Variants in TLN1 observed in about 807,000 individuals in gnomAD.
TLN1 encodes the protein talin 1, also known as talin-1.
A neutral mutation model predicts 292.3 loss-of-function variants in TLN1; 56 were observed. The observed-to-expected ratio is 0.19, with a 90% CI of 0.15 to 0.24. The LOEUF (loss-of-function observed/expected upper bound fraction) is 0.24, where lower values mean the gene tolerates loss of function less well. Ranked by LOEUF, TLN1 falls within the 10% of genes least tolerant of loss-of-function variation. The pLI, the probability that TLN1 is intolerant of heterozygous loss-of-function variation, is 1.00. For missense variants in TLN1, 2,433 were observed against 3,248.2 expected, an observed-to-expected ratio of 0.75 and a Z score of 6.10; for synonymous variants, 1,119 against 1,253.7, an observed-to-expected ratio of 0.89 and a Z score of 2.27.
rs1254841193 is a variant in TLN1, at chr9:35,697,438, C to G, written c.*353G>C. ...GGTGGGGGAAGATAGTATCAAAAAA[C>G]GGTGAAGAGAGCTGATGAGGCTGTG... On this transcript the variant is annotated 3_prime_UTR_variant, in exon 57 of 57. Transcript: ENST00000314888. The G allele has an allele frequency of 3.8e-6, 1 of 265,566 alleles. No homozygotes were observed. 16.5% of individuals were successfully genotyped at this position (265,566 alleles called of 1,614,324 possible).
In TLN1 at chr9:35,717,820, T is replaced by C; in HGVS notation, c.1996-34A>G. Reference sequence around the variant, plus strand: ...AAACAGCAGTTAGCATGACCTGAGATTGGGCTTGGGATTCACAGACACTTC... The same window carrying C: ...AAACAGCAGTTAGCATGACCTGAGACTGGGCTTGGGATTCACAGACACTTC... On this transcript the variant is annotated intron_variant, in intron 17 of 56. Coordinates refer to ENST00000314888, the MANE Select transcript of TLN1 (RefSeq NM_006289.4). The surrounding 1 kb of genome is among the most constrained non-coding windows in gnomAD (Gnocchi z 4.7). The C allele has an allele frequency of 6.3e-7, 1 of 1,579,126 alleles. No individual in the cohort carries two copies. Among genetic ancestry groups the C allele is most frequent in the Non-Finnish European group, 8.7e-7 (1 of 1,156,046 alleles).
Position 35,699,549 on chromosome 9 carries a change from C to T in TLN1, c.6769-88G>A, listed in dbSNP as rs41313454. 1,363 of 1,492,828 alleles carry T rather than the reference C, an allele frequency of 9.1e-4. 3 individuals are homozygous for T. The highest frequency in any genetic ancestry group is 1.2e-3 in the Non-Finnish European group (1,288 of 1,117,572). 92.5% of individuals were successfully genotyped at this position (1,492,828 alleles called of 1,614,324 possible). On this transcript the variant is annotated intron_variant, in intron 50 of 56. Transcript: ENST00000314888. This position sits in a 1 kb window ranked among gnomAD's most constrained non-coding sequence, Gnocchi z 4.0. ...AATAGGGCAGACCATGGCCCCCTCA[C>T]CCCTATCCCTAGAGCACTCCACACC...
Position 35,724,402 on chromosome 9 carries a change from T to A in TLN1, c.512-68A>T. Reference sequence around the variant, plus strand: ...CCTGTGCTGTCTGGTCTCTGTTTATTTCTGCATTTCCTACCTCCCCTCACT... The same window carrying A: ...CCTGTGCTGTCTGGTCTCTGTTTATATCTGCATTTCCTACCTCCCCTCACT... On this transcript the variant is annotated intron_variant, in intron 5 of 56. Transcript: ENST00000314888. This position sits in a 1 kb window ranked among gnomAD's most constrained non-coding sequence, Gnocchi z 4.7. The A allele has an allele frequency of 6.2e-7, 1 of 1,600,190 alleles. No homozygotes were observed. The highest frequency in any genetic ancestry group is 8.5e-7 in the Non-Finnish European group (1 of 1,169,836).
intron 33 of TLN1, among the ~76,000 whole-genome samples, chr9:35,710,139 C>T (rs1164748981): frequency 7.1e-6 from 1 of 141,152 alleles, no homozygotes; most frequent in Non-Finnish European, 1.5e-5. Context: ...AGGAGACTAG[C>T]GTGAACCCGG....
chr9:35,731,503 C>G (rs990243703), intron 1 of TLN1, among the ~76,000 whole-genome samples: 1 of 152,190 alleles, frequency 6.6e-6, no homozygotes, highest in Non-Finnish European at 1.5e-5. Flanking sequence ...CACTGTTTAT[C>G]CTTAACACCG....
chr9:35,724,301 T>TGTCCGACA lies in TLN1; in HGVS notation c.544_545insTGTCGGAC (p.Glu182ValfsTer7). 6.2e-7 allele frequency: 1 copy of TGTCCGACA among 1,614,166 alleles called. No homozygotes were observed. The highest frequency in any genetic ancestry group is 8.5e-7 in the Non-Finnish European group (1 of 1,180,018). ...CGTCTCGTGCTCCTCTACACCCTGC[T>TGTCCGACA]CCCTCAGTGTCCGACCATGGTCCAG... On this transcript the variant is annotated frameshift_variant, in exon 6 of 57. Transcript: ENST00000314888. LOFTEE classifies it high-confidence loss of function. The surrounding 1 kb of genome is among the most constrained non-coding windows in gnomAD (Gnocchi z 4.7).
At chr9:35,703,490 G>A in intron 48 of TLN1, 70 bp downstream of exon 48, 1 of 1,385,134 alleles carries the variant, frequency 7.2e-7, no homozygotes, top group Admixed American at 1.7e-5. Context: ...TATATGTGTG[G>A]CACAGGTTCA....
chr9:35,729,305 G>A (rs1826029529), intron 1 of TLN1, among the ~76,000 whole-genome samples: 1 of 152,206 alleles, frequency 6.6e-6, no homozygotes, highest in African/African-American at 2.4e-5. Flanking sequence ...TTTCACTCCA[G>A]GCAGAGAAAT....
In TLN1 at chr9:35,716,190, T is replaced by TAA. The variant is rs11443679; in HGVS notation, c.2625+198_2625+199dup. 2.2e-3 allele frequency among the ~76,000 whole-genome samples: 246 copies of TAA among 112,312 alleles called. 2 individuals are homozygous for TAA. Among genetic ancestry groups the TAA allele is most frequent in the Middle Eastern group, 4.5e-3 (1 of 222 alleles). The allele number at this position is 112,312 out of a possible 152,430, so 73.7% of individuals were successfully genotyped here. A position where few individuals can be genotyped will look rare whatever the true frequency, so the allele number is the denominator to read the frequency against. On this transcript the variant is annotated intron_variant, in intron 20 of 56. Coordinates refer to ENST00000314888, the MANE Select transcript of TLN1 (RefSeq NM_006289.4). Reference sequence around the variant, plus strand: ...GGGCAACACAGTGAGACCACATCTTTAAAAAAAAAAAAAAAAAAAAAGCCT... The same window carrying TAA: ...GGGCAACACAGTGAGACCACATCTTTAAAAAAAAAAAAAAAAAAAAAAAGCCT...
At chr9:35,712,750 G>T in intron 27 of TLN1, 85 bp downstream of exon 27, 1 of 1,236,064 alleles carries the variant, frequency 8.1e-7, no homozygotes, top group Non-Finnish European at 1.1e-6. Context: ...GAGTGTGGAC[G>T]AGGCTCAGAA....
At position 35,707,326 on chromosome 9, in the gene TLN1, T is replaced by A; in HGVS notation, c.4773+22A>T. On this transcript the variant is annotated intron_variant, in intron 36 of 56. Transcript: ENST00000314888. This position sits in a 1 kb window ranked among gnomAD's most constrained non-coding sequence, Gnocchi z 5.6. Reference sequence around the variant, plus strand: ...ATGAGGTGATAAGCTGGCCCATCAGTTCCCCCTTCACATCGCCTCACCTCA... The same window carrying A: ...ATGAGGTGATAAGCTGGCCCATCAGATCCCCCTTCACATCGCCTCACCTCA... 1 of 1,612,474 alleles carries A rather than the reference T, an allele frequency of 6.2e-7. No homozygotes were observed. Among genetic ancestry groups the A allele is most frequent in the Admixed American group, 1.7e-5 (1 of 59,948 alleles).
At position 35,706,747 on chromosome 9, in the gene TLN1, A is replaced by G. The variant is rs924732442; in HGVS notation, c.5088+21T>C. 3 of 1,611,428 alleles carry G rather than the reference A, an allele frequency of 1.9e-6. No homozygotes were observed. The highest frequency in any genetic ancestry group is 2.5e-6 in the Non-Finnish European group (3 of 1,178,928). ...TTTCTCTTCCTAGACACATCTTTCC[A>G]TATAACCCTCTCCCTCTCACCTCTT... On this transcript the variant is annotated intron_variant, in intron 38 of 56. Coordinates refer to ENST00000314888, the MANE Select transcript of TLN1 (RefSeq NM_006289.4). The surrounding 1 kb of genome is among the most constrained non-coding windows in gnomAD (Gnocchi z 4.2).
chr9:35,724,579 A>T lies in TLN1; in HGVS notation c.504T>A (p.Asp168Glu). Residue 168 changes from aspartate (D) to glutamate (E), a missense_variant, in exon 5 of 57, where the codon GAT (aspartate) becomes GAA (glutamate). Asp to Glu is a conservative substitution (Grantham distance 45). This residue lies in a region of TLN1 where 155 missense variants were observed against 287.9 expected (regional missense o/e 0.54). Transcript: ENST00000314888. This position sits in a 1 kb window ranked among gnomAD's most constrained non-coding sequence, Gnocchi z 4.7. ...MEKLKQKLHT[D>E]DELNWLDHGR... ...TTTTCTAGTTCTGCTTACACTCATC[A>T]TCTGTGTGCAATTTCTGCTTTAGTT... The T allele has an allele frequency of 6.2e-7, 1 of 1,613,934 alleles. No individual in the cohort carries two copies. Among genetic ancestry groups the T allele is most frequent in the Non-Finnish European group, 8.5e-7 (1 of 1,179,960 alleles).
chr9:35,700,142 TATG>T (rs780053708), intron 49 of TLN1, 46 bp downstream of exon 49: 8 of 1,593,046 alleles, frequency 5.0e-6, no homozygotes, highest in Non-Finnish European at 6.9e-6. Context: ...TCTCTCCCAC[TATG>T]TTCTGGCCCA....
At position 35,712,121 on chromosome 9, in the gene TLN1, C is replaced by A; in HGVS notation, c.3565G>T (p.Ala1189Ser). Residue 1189 changes from alanine to serine, a missense_variant, in exon 28 of 57, where the codon GCT becomes TCT. Around this residue, in one of 7 missense-constraint regions of TLN1, gnomAD observed 1,384 missense variants for 1,699.6 expected, o/e 0.81. Transcript: ENST00000314888. ...PESQQRLAQVAKAVTQALNRC... is the reference protein window; with the variant it reads ...PESQQRLAQVSKAVTQALNRC... ...TTCAGAGCCTGGGTCACTGCTTTAGCCACCTGGGGTGAGAAAGGAGACAGG... is the reference window on the plus strand; with the variant it reads ...TTCAGAGCCTGGGTCACTGCTTTAGACACCTGGGGTGAGAAAGGAGACAGG... The A allele has an allele frequency of 6.2e-7, 1 of 1,612,164 alleles. No homozygotes were observed. Among genetic ancestry groups the A allele is most frequent in the Non-Finnish European group, 8.5e-7 (1 of 1,179,336 alleles).
intron 48 of TLN1, among the ~76,000 whole-genome samples, chr9:35,703,071 C>T (rs1035127272): frequency 6.6e-6 from 1 of 152,014 alleles, no homozygotes; most frequent in African/African-American, 2.4e-5. Flanking sequence ...GAGGCCAAGG[C>T]GGGTGGATCA....
intron 11 of TLN1, 145 bp from the exon 12 acceptor site, chr9:35,720,654 A>G (rs966104177): frequency 2.3e-5 from 23 of 1,019,364 alleles, no homozygotes; most frequent in Non-Finnish European, 2.9e-5. Context: ...TTGACAAGAA[A>G]GGGCTCTGTC....
At chr9:35,721,589 G>A (rs1825880268) in intron 10 of TLN1, 59 bp downstream of exon 10, 1 of 1,573,404 alleles carries the variant, frequency 6.4e-7, no homozygotes, top group East Asian at 2.3e-5. Context: ...AGAGACCTCT[G>A]CAGCTGCCCC....
At chr9:35,702,194 T>A (rs1392640323) in intron 48 of TLN1, among the ~76,000 whole-genome samples, 8 of 152,316 alleles carry the variant, frequency 5.3e-5, no homozygotes, top group Admixed American at 5.2e-4. Context: ...GGAATCTTCA[T>A]GACTGCAAGG....
Sources: gnomAD v4.1 joint callset for allele counts (sites outside exome capture counted in the v4.1 genomes callset) on GRCh38, gnomAD v4.1.1 for gene constraint, gnomAD v4.1.1 regional missense constraint, Gnocchi (gnomAD v3.1) non-coding constraint, MANE v1.5 for transcripts, NCBI Gene and HGNC (gene_info 2026-07-23, HGNC 2026-07-21) for gene names.